The following NCAM2 variants were observed in gnomAD, a reference collection of about 807,000 sequenced individuals.
NCAM2 encodes N-CAM-2.
In NCAM2, 30 loss-of-function variants were observed where a neutral mutation model predicts 98.1. The ratio of observed to expected loss-of-function variants is 0.31; its 90% CI spans 0.23 to 0.41. NCAM2 has a LOEUF of 0.41. Among genes scored for constraint, NCAM2 ranks in the 10% least tolerant of loss-of-function variants. The probability of loss-of-function intolerance (pLI) is 1.00; values close to 1 mark genes in which losing one functional copy is unlikely to be tolerated. For missense variants in NCAM2, 867 were observed against 1,005.8 expected (o/e 0.86, Z 1.87); for synonymous variants, 368 against 342.4 (o/e 1.07, Z -0.83).
intron 16 of NCAM2, among the ~76,000 whole-genome samples, chr21:21,517,719 G>C (rs555834653): frequency 1.3e-5 from 2 of 152,170 alleles, no homozygotes; most frequent in African/African-American, 4.8e-5. Context: ...TTAGCTTGGC[G>C]TGGTGGTGCA....
At chr21:21,009,150 T>G (rs1044112100) in intron 1 of NCAM2, among the ~76,000 whole-genome samples, 1 of 152,158 alleles carries the variant, frequency 6.6e-6, no homozygotes, top group Admixed American at 6.6e-5. Flanking sequence ...CCGGCAAATA[T>G]GTGCTGAATG....
intron 5 of NCAM2, among the ~76,000 whole-genome samples, chr21:21,302,616 G>T (rs1436404631): frequency 2.0e-5 from 3 of 152,080 alleles, no homozygotes; most frequent in Non-Finnish European, 4.4e-5. Context: ...GATGTTGAAG[G>T]CTGCAGAGAA....
intron 5 of NCAM2, among the ~76,000 whole-genome samples, chr21:21,293,834 C>T (rs998943556): frequency 7.9e-5 from 12 of 151,394 alleles, no homozygotes; most frequent in African/African-American, 2.9e-4. Context: ...CATGAGCAGT[C>T]TTTGTGTTAA....
chr21:21,230,273 T>C (rs1011634431), intron 1 of NCAM2, among the ~76,000 whole-genome samples: 48 of 151,460 alleles, frequency 3.2e-4, no homozygotes, highest in Admixed American at 7.9e-4. Flanking sequence ...ATCTCATCCA[T>C]ATTCTTCTTT....
At chr21:21,014,441 A>G (rs1044055582) in intron 1 of NCAM2, among the ~76,000 whole-genome samples, 1 of 151,780 alleles carries the variant, frequency 6.6e-6, no homozygotes, top group African/African-American at 2.4e-5. Flanking sequence ...AAAAAAAAAA[A>G]TTATGCCAAA....
intron 1 of NCAM2, chr21:21,210,787 C>A: frequency 1.1e-5 from 5 of 457,076 alleles, no homozygotes; most frequent in Non-Finnish European, 1.7e-5. Flanking sequence ...TACTAGAACT[C>A]CCCTAGAGGG....
intron 1 of NCAM2, among the ~76,000 whole-genome samples, chr21:21,237,982 G>A (rs1336943904): frequency 7.2e-6 from 1 of 138,332 alleles, no homozygotes; most frequent in East Asian, 2.3e-4. Context: ...TTGAGACGGA[G>A]TCTCGCTCTG....
chr21:21,275,726 T>G (rs1430940585), intron 1 of NCAM2, among the ~76,000 whole-genome samples: 1 of 152,188 alleles, frequency 6.6e-6, no homozygotes, highest in Non-Finnish European at 1.5e-5. Flanking sequence ...CTTACATCTA[T>G]TCTCTACCTT....
intron 8 of NCAM2, among the ~76,000 whole-genome samples, chr21:21,355,763 G>A (rs1412857145): frequency 3.3e-5 from 5 of 151,700 alleles, no homozygotes; most frequent in South Asian, 4.2e-4. Context: ...CTACAGGCGC[G>A]TGCCACCACG....
At chr21:21,079,666 T>C (rs572443280) in intron 1 of NCAM2, among the ~76,000 whole-genome samples, 3 of 152,148 alleles carry the variant, frequency 2.0e-5, no homozygotes, top group African/African-American at 7.2e-5. Flanking sequence ...CACTTCCCCT[T>C]TGTTTCTGCC....
chr21:21,180,296 A>G (rs2068429458), intron 1 of NCAM2, among the ~76,000 whole-genome samples: 1 of 152,198 alleles, frequency 6.6e-6, no homozygotes, highest in Admixed American at 6.5e-5. Context: ...GATACATGTG[A>G]TAAATTCTAT....
rs113006390 is a variant in NCAM2 at position 21,038,059 on chromosome 21, C to T, written c.55+39441C>T. On this transcript the variant is annotated intron_variant, in intron 1 of 17. Coordinates refer to ENST00000400546, the MANE Select transcript of NCAM2 (RefSeq NM_004540.5). ...GGAAGAAAATATATTGGATATGATC[C>T]CTCCTCTGTTCTAGCCATAACCCAT... Among the ~76,000 whole-genome samples, 17 of 152,118 alleles carry T rather than the reference C, an allele frequency of 1.1e-4. 1 individual carries two copies. The highest frequency in any genetic ancestry group is 3.6e-4 in the African/African-American group (15 of 41,502).
intron 1 of NCAM2, among the ~76,000 whole-genome samples, chr21:21,125,475 T>G: frequency 6.0e-5 from 1 of 16,586 alleles, no homozygotes; most frequent in Admixed American, 7.7e-4. Context: ...GATATATATA[T>G]CTATATATAG....
intron 1 of NCAM2, among the ~76,000 whole-genome samples, chr21:21,071,947 C>G (rs1024956464): frequency 2.0e-5 from 3 of 151,144 alleles, no homozygotes; most frequent in Non-Finnish European, 4.4e-5. Context: ...GAGTGTTGCT[C>G]TGTTGCCCAG....
At chr21:21,303,480 T>C (rs368647841) in intron 5 of NCAM2, among the ~76,000 whole-genome samples, 11 of 152,196 alleles carry the variant, frequency 7.2e-5, no homozygotes, top group African/African-American at 2.6e-4. Context: ...GCTATTAGTA[T>C]TCAATTTTAA....
chr21:21,127,539 C>A (rs1013126555), intron 1 of NCAM2, among the ~76,000 whole-genome samples: 1 of 151,984 alleles, frequency 6.6e-6, no homozygotes, highest in African/African-American at 2.4e-5. Context: ...ATTGTGCTAT[C>A]GAACACTAGA....
At chr21:21,367,548 A>G (rs2075817821) in intron 8 of NCAM2, among the ~76,000 whole-genome samples, 1 of 152,024 alleles carries the variant, frequency 6.6e-6, no homozygotes, top group Non-Finnish European at 1.5e-5. Context: ...TAAATAGAGT[A>G]TGGGAAAGTT....
chr21:21,345,958 G>A (rs1161817863), intron 8 of NCAM2, among the ~76,000 whole-genome samples: 1 of 151,898 alleles, frequency 6.6e-6, no homozygotes, highest in Non-Finnish European at 1.5e-5. Context: ...CTCACTGAAG[G>A]AAGACAGGAA....
chr21:21,310,722 T>C (rs760961643), intron 5 of NCAM2, among the ~76,000 whole-genome samples: 2 of 152,184 alleles, frequency 1.3e-5, no homozygotes, highest in East Asian at 1.9e-4. Flanking sequence ...AATTGTAGAA[T>C]TCTATGAATT....
Sources: allele counts gnomAD v4.1 joint callset (sites outside exome capture counted in the v4.1 genomes callset), GRCh38; gene constraint gnomAD v4.1.1; transcripts MANE v1.5; gene names NCBI Gene and HGNC (gene_info 2026-07-23, HGNC 2026-07-21).